EPAS1: variants seen among roughly 807,000 people sequenced by gnomAD.
The protein encoded by EPAS1 is endothelial PAS domain protein 1, also known as endothelial PAS domain-containing protein 1.
A neutral mutation model predicts 87.9 loss-of-function variants in EPAS1; 23 were observed. That is an observed-to-expected ratio of 0.26 (90% CI 0.19 to 0.37). The LOEUF (loss-of-function observed/expected upper bound fraction) is 0.37, where lower values mean the gene tolerates loss of function less well. Among genes scored for constraint, EPAS1 ranks in the 10% least tolerant of loss-of-function variants. The pLI, the probability that EPAS1 is intolerant of heterozygous loss-of-function variation, is 1.00. For synonymous variants in EPAS1, 508 were observed against 444.3 expected (o/e 1.14, Z -1.80); for missense variants, 1,138 against 1,120.7 (o/e 1.02, Z -0.22).
chr2:46,316,186 T>A (rs1455359093), intron 1 of EPAS1, among the ~76,000 whole-genome samples: 3 of 152,232 alleles, frequency 2.0e-5, no homozygotes, highest in Non-Finnish European at 4.4e-5. Context: ...CACATGATTT[T>A]TTTTTGTTTC....
chr2:46,374,093 G>T (rs1390330657), intron 7 of EPAS1, among the ~76,000 whole-genome samples: 1 of 152,222 alleles, frequency 6.6e-6, no homozygotes, highest in Non-Finnish European at 1.5e-5. Flanking sequence ...CTATACAAAT[G>T]TAAGTTACAG....
chr2:46,381,800 TGGCCC>T, intron 13 of EPAS1, 78 bp downstream of exon 13: 1 of 1,597,774 alleles, frequency 6.3e-7, no homozygotes, highest in South Asian at 1.1e-5. Flanking sequence ...GGTGGGGATG[TGGCCC>T]TTCCAAGCCA....
intron 1 of EPAS1, among the ~76,000 whole-genome samples, chr2:46,338,841 G>A (rs73926261): frequency 0.014 from 2,132 of 151,006 alleles, 54 homozygotes; most frequent in African/African-American, 0.049. Flanking sequence ...CTGAAGCACC[G>A]TGACCCATGC....
chr2:46,358,747 C>A (rs1684322503), intron 4 of EPAS1, among the ~76,000 whole-genome samples: 1 of 152,216 alleles, frequency 6.6e-6, no homozygotes, highest in Non-Finnish European at 1.5e-5. Flanking sequence ...AAACTCAATG[C>A]AACAGCAAAT....
intron 15 of EPAS1, among the ~76,000 whole-genome samples, chr2:46,382,971 C>T (rs1039768285): frequency 3.9e-5 from 6 of 152,202 alleles, no homozygotes; most frequent in Admixed American, 1.3e-4. Flanking sequence ...AAAGAGCAGG[C>T]GGCCACAGTG....
chr2:46,324,039 A>T (rs1683505685), intron 1 of EPAS1, among the ~76,000 whole-genome samples: 1 of 152,220 alleles, frequency 6.6e-6, no homozygotes. Flanking sequence ...GTGCAGCTTA[A>T]AAGCAAGGGC....
intron 1 of EPAS1, among the ~76,000 whole-genome samples, chr2:46,323,755 G>A (rs1683499139): frequency 6.6e-6 from 1 of 152,166 alleles, no homozygotes; most frequent in Non-Finnish European, 1.5e-5. Context: ...TGAAAATTGT[G>A]AATTGTATCA....
At chr2:46,377,797 C>G in intron 9 of EPAS1, 97 bp from the exon 10 acceptor site, 1 of 1,548,954 alleles carries the variant, frequency 6.5e-7, no homozygotes, top group Non-Finnish European at 8.7e-7. Flanking sequence ...GCCTTCCAGA[C>G]CCTCTTAGGG....
At chr2:46,356,566 C>T (rs537274306) in intron 3 of EPAS1, among the ~76,000 whole-genome samples, 158 bp from the exon 4 acceptor site, 1 of 152,334 alleles carries the variant, frequency 6.6e-6, no homozygotes, top group South Asian at 2.1e-4. Flanking sequence ...TCCCCGATTA[C>T]ATCTTTCTGT....
intron 6 of EPAS1, among the ~76,000 whole-genome samples, chr2:46,364,231 A>C (rs974102052): frequency 4.6e-5 from 7 of 152,254 alleles, no homozygotes; most frequent in South Asian, 2.1e-4. Flanking sequence ...CATCTGAGAC[A>C]CACAAGGTGC....
intron 1 of EPAS1, among the ~76,000 whole-genome samples, chr2:46,301,017 A>G (rs1682984291): frequency 6.6e-6 from 1 of 152,230 alleles, no homozygotes; most frequent in Non-Finnish European, 1.5e-5. Flanking sequence ...ATATGTTTCC[A>G]TTGTATTACC....
In EPAS1 at chr2:46,356,214, C is replaced by T. The variant is rs752029078; in HGVS notation, c.281C>T (p.Ala94Val). The change falls in exon 3 of 16, where the codon GCC (alanine) becomes GTC (valine). Residue 94 changes from alanine (A) to valine (V), a missense_variant. Physicochemically the swap from Ala to Val is moderately conservative, Grantham distance 64. Transcript: ENST00000263734. ...DQQMDNLYLKALEGFIAVVTQ... is the reference protein window; with the variant it reads ...DQQMDNLYLKVLEGFIAVVTQ... ...CAGATGGACAACTTGTACCTGAAAG[C>T]CTTGGAGGGTTTCATTGCCGTGGTG... The T allele has an allele frequency of 4.4e-6, 7 of 1,608,990 alleles. No individual in the cohort carries two copies. The highest frequency in any genetic ancestry group is 1.1e-5 in the South Asian group (1 of 90,900).
At chr2:46,337,421 A>G (rs1160294093) in intron 1 of EPAS1, among the ~76,000 whole-genome samples, 1 of 152,154 alleles carries the variant, frequency 6.6e-6, no homozygotes, top group Non-Finnish European at 1.5e-5. Flanking sequence ...AGGGAGTGGG[A>G]GGGGCAGCAG....
intron 1 of EPAS1, chr2:46,335,842 G>C (rs1178235989): frequency 6.6e-6 from 1 of 152,254 alleles, no homozygotes; most frequent in Non-Finnish European, 1.5e-5. Flanking sequence ...GACGCTGGGG[G>C]CTGCACCTCG....
intron 1 of EPAS1, among the ~76,000 whole-genome samples, chr2:46,334,862 C>T (rs532005316): frequency 1.2e-4 from 18 of 152,242 alleles, no homozygotes; most frequent in East Asian, 1.9e-4. Flanking sequence ...TGGAAATGTG[C>T]GCAGACATCT....
chr2:46,361,627 C>T (rs1684388861), intron 6 of EPAS1, among the ~76,000 whole-genome samples: 1 of 152,190 alleles, frequency 6.6e-6, no homozygotes, highest in Non-Finnish European at 1.5e-5. Flanking sequence ...CCCCCAGTGC[C>T]AGGCCCAGTG....
At chr2:46,297,982 G>A (rs1682919364) in intron 1 of EPAS1, 45 bp downstream of exon 1, 1 of 1,606,176 alleles carries the variant, frequency 6.2e-7, no homozygotes, top group Non-Finnish European at 8.5e-7. Context: ...CCGAGGCCAG[G>A]GCCGGGCTGC....
chr2:46,384,072 G>C (rs1684957584), intron 15 of EPAS1, among the ~76,000 whole-genome samples: 1 of 152,238 alleles, frequency 6.6e-6, no homozygotes, highest in South Asian at 2.1e-4. Context: ...AGAAAGGACT[G>C]CTGAGGGTGG....
chr2:46,363,124 G>A (rs921093932), intron 6 of EPAS1, among the ~76,000 whole-genome samples: 4 of 152,166 alleles, frequency 2.6e-5, no homozygotes, highest in African/African-American at 9.7e-5. Context: ...TTGTATTCAG[G>A]TGAACATTCT....
Sources: gnomAD v4.1 joint callset for allele counts (sites outside exome capture counted in the v4.1 genomes callset) on GRCh38, gnomAD v4.1.1 for gene constraint, MANE v1.5 for transcripts, NCBI Gene and HGNC (gene_info 2026-07-23, HGNC 2026-07-21) for gene names.